The following NTAQ1 variants were observed in gnomAD, a reference collection of about 807,000 sequenced individuals.
NTAQ1 encodes the protein N-terminal glutamine amidase 1.
In NTAQ1, 21 loss-of-function variants were observed where a neutral mutation model predicts 28.2. The observed-to-expected ratio is 0.74, with a 90% CI of 0.53 to 1.07. The LOEUF (loss-of-function observed/expected upper bound fraction) is 1.07. Ranked by LOEUF, NTAQ1 falls within the 50% of genes least tolerant of loss-of-function variation. The pLI is 0.00. For synonymous variants in NTAQ1, 105 were observed against 90.0 expected, an observed-to-expected ratio of 1.17 and a Z score of -0.94; for missense variants, 264 against 256.6, an observed-to-expected ratio of 1.03 and a Z score of -0.20.
chr8:123,458,880 A>G (rs1815734657), intron 6 of NTAQ1, among the ~76,000 whole-genome samples: 1 of 152,122 alleles, frequency 6.6e-6, no homozygotes, highest in Non-Finnish European at 1.5e-5. Flanking sequence ...TCGGCCTCCC[A>G]AAGTGCTGGG....
chr8:123,424,468 G>A (rs201959238), intron 1 of NTAQ1, among the ~76,000 whole-genome samples: 3 of 151,596 alleles, frequency 2.0e-5, no homozygotes, highest in African/African-American at 7.3e-5. Context: ...GGTCTTGAAC[G>A]CCTGACCTCA....
chr8:123,453,155 G>T (rs2130386341), intron 6 of NTAQ1, among the ~76,000 whole-genome samples: 1 of 152,324 alleles, frequency 6.6e-6, no homozygotes, highest in East Asian at 1.9e-4. Flanking sequence ...AGGCCCACAG[G>T]ATGCAGAGCT....
At chr8:123,419,158 A>G (rs1486249668) in intron 1 of NTAQ1, among the ~76,000 whole-genome samples, 1 of 142,458 alleles carries the variant, frequency 7.0e-6, no homozygotes, top group South Asian at 2.2e-4. Flanking sequence ...GAGTGCAATG[A>G]TGCCATCTTG....
chr8:123,462,443 C>A lies in NTAQ1; in HGVS notation c.373-4636C>A, dbSNP rs1264337694. 3.3e-5 allele frequency among the ~76,000 whole-genome samples: 5 copies of A among 152,160 alleles called. No homozygotes were observed. In the East Asian group the frequency reaches 9.6e-4, roughly 29 times the overall value. On this transcript the variant is annotated intron_variant, in intron 6 of 6. Transcript: ENST00000650311. ...CAGAGTTAAGTCTACAACTCAGATA[C>A]TCTAGGGCAGTAGTTTTTGAAGTAC...
intron 5 of NTAQ1, chr8:123,438,194 AC>A: frequency 1.4e-6 from 1 of 702,044 alleles, no homozygotes; most frequent in Non-Finnish European, 2.6e-6. Flanking sequence ...TCACCCTATT[AC>A]TATTGTTTGG....
rs538496056 is a variant in NTAQ1 at position 123,437,414 on chromosome 8, G to A, written c.508+80G>A. ...CATTTTTCCTTAACGGAGGACAAAAGTCAGGTTGTTCTTTGAATAAAACTC... is the reference window on the plus strand; with the variant it reads ...CATTTTTCCTTAACGGAGGACAAAAATCAGGTTGTTCTTTGAATAAAACTC... On this transcript the variant is annotated intron_variant, in intron 5 of 5. Coordinates refer to ENST00000287387, the MANE Select transcript of NTAQ1 (RefSeq NM_018024.3). 170 of 1,570,600 alleles carry A rather than the reference G, an allele frequency of 1.1e-4. 1 individual carries two copies. In the East Asian group the frequency reaches 3.7e-3, roughly 35 times the overall value.
chr8:123,470,574 GAC>G (rs549291934), downstream of NTAQ1, among the ~76,000 whole-genome samples: 5 of 152,342 alleles, frequency 3.3e-5, no homozygotes, highest in East Asian at 9.6e-4. Flanking sequence ...TATTTCATAA[GAC>G]AACTTTTGGA....
At chr8:123,437,702 C>CAAAAAA (rs67334148) in intron 5 of NTAQ1, among the ~76,000 whole-genome samples, 7 of 137,142 alleles carry the variant, frequency 5.1e-5, no homozygotes, top group African/African-American at 1.6e-4. Context: ...GACTCCATCT[C>CAAAAAA]AAAAAAAAAA....
chr8:123,456,661 A>C (rs918190449), intron 6 of NTAQ1, among the ~76,000 whole-genome samples: 6 of 152,180 alleles, frequency 3.9e-5, no homozygotes, highest in African/African-American at 1.4e-4. Context: ...TGCTTTATAT[A>C]TTTTTAACAA....
intron 5 of NTAQ1, among the ~76,000 whole-genome samples, chr8:123,440,036 A>C (rs1814955273): frequency 1.4e-5 from 2 of 140,938 alleles, no homozygotes; most frequent in African/African-American, 5.4e-5. Flanking sequence ...TATGGAATTG[A>C]CTCTTTTTTT....
intron 6 of NTAQ1, among the ~76,000 whole-genome samples, chr8:123,456,548 A>G (rs1372377711): frequency 1.3e-5 from 2 of 152,350 alleles, no homozygotes; most frequent in East Asian, 3.9e-4. Flanking sequence ...CCTTACAGGA[A>G]TTACACCAGA....
chr8:123,472,176 T>G (rs187186541), downstream of NTAQ1, among the ~76,000 whole-genome samples: 1 of 152,222 alleles, frequency 6.6e-6, no homozygotes, highest in East Asian at 1.9e-4. Flanking sequence ...AGGAAGGAAG[T>G]ATGCCAAACA....
intron 1 of NTAQ1, among the ~76,000 whole-genome samples, chr8:123,424,322 A>T (rs10096099): frequency 6.6e-6 from 1 of 151,710 alleles, no homozygotes; most frequent in South Asian, 2.1e-4. Context: ...AGCTTGCTGC[A>T]ACCGCCGCCT....
At chr8:123,430,748 T>G (rs1814346157) in intron 3 of NTAQ1, among the ~76,000 whole-genome samples, 1 of 152,170 alleles carries the variant, frequency 6.6e-6, no homozygotes, top group Admixed American at 6.5e-5. Context: ...TTCACTGTAC[T>G]CCAGCTTGGG....
chr8:123,436,755 A>G (rs1814741622), intron 4 of NTAQ1, among the ~76,000 whole-genome samples, 154 bp downstream of exon 4: 1 of 152,176 alleles, frequency 6.6e-6, no homozygotes, highest in Non-Finnish European at 1.5e-5. Context: ...GCAACACAGG[A>G]GATTCAAAAT....
chr8:123,439,909 G>T (rs972440536), intron 5 of NTAQ1, among the ~76,000 whole-genome samples: 3 of 151,772 alleles, frequency 2.0e-5, no homozygotes, highest in Non-Finnish European at 4.4e-5. Flanking sequence ...AGCCAAAATT[G>T]CACCACTGCA....
chr8:123,440,109 T>C (rs933476142), intron 5 of NTAQ1, among the ~76,000 whole-genome samples: 5 of 150,336 alleles, frequency 3.3e-5, no homozygotes, highest in Non-Finnish European at 7.4e-5. Flanking sequence ...ATACTGAGAT[T>C]ATAGGCATGA....
intron 3 of NTAQ1, among the ~76,000 whole-genome samples, chr8:123,432,927 G>A (rs959007134): frequency 6.6e-6 from 1 of 152,082 alleles, no homozygotes; most frequent in Non-Finnish European, 1.5e-5. Flanking sequence ...TGATCCGCCC[G>A]CCTCGGCCTC....
At chr8:123,454,382 T>G (rs888279091) in intron 6 of NTAQ1, among the ~76,000 whole-genome samples, 2 of 128,876 alleles carry the variant, frequency 1.6e-5, no homozygotes, top group South Asian at 2.8e-4. Context: ...GTTTTGTTTT[T>G]TTTGAGAGGG....
Sources: allele counts gnomAD v4.1 joint callset (sites outside exome capture counted in the v4.1 genomes callset), GRCh38; gene constraint gnomAD v4.1.1; transcripts MANE v1.5; gene names NCBI Gene and HGNC (gene_info 2026-07-23, HGNC 2026-07-21).